NEDD4L: variants seen among roughly 807,000 people sequenced by gnomAD.
NEDD4L encodes NEDD4 like E3 ubiquitin protein ligase, also known as E3 ubiquitin-protein ligase NEDD4-like.
In NEDD4L, 54 loss-of-function variants were observed where a neutral mutation model predicts 148.9. The observed-to-expected ratio is 0.36, with a 90% CI of 0.29 to 0.45. The LOEUF is 0.45. Ranked by LOEUF, NEDD4L falls within the 20% of genes least tolerant of loss-of-function variation. The pLI is 1.00. For missense variants in NEDD4L, 856 were observed against 1,233.8 expected (o/e 0.69, Z 4.59); for synonymous variants, 433 against 440.7 (o/e 0.98, Z 0.22).
intron 1 of NEDD4L, among the ~76,000 whole-genome samples, chr18:58,086,431 G>A (rs1328360347): frequency 6.6e-6 from 1 of 152,086 alleles, no homozygotes; most frequent in Non-Finnish European, 1.5e-5. Context: ...TGAGGAGCAG[G>A]GTGAGAGGGA....
chr18:58,376,736 C>T (rs573991681), intron 24 of NEDD4L, among the ~76,000 whole-genome samples: 8 of 152,292 alleles, frequency 5.3e-5, no homozygotes, highest in African/African-American at 1.7e-4. Flanking sequence ...CTGCCAGAAA[C>T]CTTCAGGGGT....
At chr18:58,201,882 T>C (rs567259203) in intron 2 of NEDD4L, among the ~76,000 whole-genome samples, 1 of 152,350 alleles carries the variant, frequency 6.6e-6, no homozygotes, top group Admixed American at 6.5e-5. Context: ...GAGAATTCCC[T>C]TGTCTTTTTA....
At chr18:58,293,427 A>G (rs2055062706) in intron 5 of NEDD4L, among the ~76,000 whole-genome samples, 1 of 152,246 alleles carries the variant, frequency 6.6e-6, no homozygotes, top group African/African-American at 2.4e-5. Flanking sequence ...TGGAACAGCA[A>G]GAAGACATCA....
intron 30 of NEDD4L, among the ~76,000 whole-genome samples, chr18:58,395,570 T>C (rs1204326479): frequency 6.6e-6 from 1 of 151,932 alleles, no homozygotes; most frequent in Non-Finnish European, 1.5e-5. Flanking sequence ...TTTGCCTGAC[T>C]TTGATCAGAG....
At chr18:58,396,087 ACTCAAAC>A (rs2050460336) in intron 30 of NEDD4L, 73 bp from the exon 31 acceptor site, 1 of 920,218 alleles carries the variant, frequency 1.1e-6, no homozygotes, top group Non-Finnish European at 1.7e-6. Flanking sequence ...TTATTCTCTT[ACTCAAAC>A]CTCATGCCCT....
intron 1 of NEDD4L, among the ~76,000 whole-genome samples, chr18:58,064,390 A>C (rs1481242137): frequency 6.6e-6 from 1 of 152,146 alleles, no homozygotes; most frequent in Non-Finnish European, 1.5e-5. Flanking sequence ...TTCTCAAATG[A>C]ATACCATTCA....
Position 58,179,504 on chromosome 18 carries a change from A to G in NEDD4L, c.122+13643A>G, listed in dbSNP as rs774967876. On this transcript the variant is annotated intron_variant, in intron 2 of 30. Transcript: ENST00000400345. ...GGGTCTCCAACTCCTGTGGCGTGTTAGGAAGTGGGCCGCACAGCAGGAGGT... is the reference window on the plus strand; with the variant it reads ...GGGTCTCCAACTCCTGTGGCGTGTTGGGAAGTGGGCCGCACAGCAGGAGGT... Among the ~76,000 whole-genome samples, 112 of 152,204 alleles carry G rather than the reference A, an allele frequency of 7.4e-4. 1 individual carries two copies. The highest frequency in any genetic ancestry group is 7.1e-4 in the Non-Finnish European group (48 of 68,012).
intron 3 of NEDD4L, among the ~76,000 whole-genome samples, chr18:58,247,047 C>A (rs1054185093): frequency 2.0e-5 from 3 of 151,954 alleles, no homozygotes; most frequent in Non-Finnish European, 4.4e-5. Flanking sequence ...TCAAAAAAAA[C>A]CCAAAAAACA....
chr18:58,378,133 G>C (rs565135696), intron 24 of NEDD4L, among the ~76,000 whole-genome samples: 88 of 152,276 alleles, frequency 5.8e-4, no homozygotes, highest in African/African-American at 2.0e-3. Context: ...ATATAGGAAG[G>C]TTCTTTAGGA....
intron 1 of NEDD4L, among the ~76,000 whole-genome samples, chr18:58,109,693 C>T (rs908062589): frequency 1.1e-4 from 17 of 151,472 alleles, no homozygotes; most frequent in Non-Finnish European, 5.9e-5. Flanking sequence ...GCCTCAGCCT[C>T]CCAAGTAGCT....
chr18:58,349,456 C>A, intron 16 of NEDD4L, 81 bp from the exon 17 acceptor site: 1 of 1,171,264 alleles, frequency 8.5e-7, no homozygotes, highest in Non-Finnish European at 1.3e-6. Context: ...TTGAAACAAA[C>A]AGCTCAAGAA....
rs554766238 is a variant in NEDD4L at position 58,344,882 on chromosome 18, A to C, written c.1575+1779A>C. ...AGTAGATGGATTAGTGTAAGGAGCC[A>C]CTGTGGCTTGCCAACATAAGCTATG... On this transcript the variant is annotated intron_variant, in intron 16 of 30. Transcript: ENST00000400345. Among the ~76,000 whole-genome samples the C allele has an allele frequency of 1.4e-4, 21 of 152,350 alleles. No individual in the cohort carries two copies. In the East Asian group the frequency reaches 3.1e-3, roughly 22 times the overall value.
At chr18:58,281,723 G>A (rs936073386) in intron 5 of NEDD4L, among the ~76,000 whole-genome samples, 8 of 151,938 alleles carry the variant, frequency 5.3e-5, no homozygotes, top group African/African-American at 1.7e-4. Context: ...GATCAGAACA[G>A]TTTTAAAACT....
chr18:58,234,496 T>C (rs1399352457), intron 2 of NEDD4L, among the ~76,000 whole-genome samples: 2 of 151,508 alleles, frequency 1.3e-5, no homozygotes, highest in African/African-American at 4.9e-5. Flanking sequence ...CATGCCTGGC[T>C]AAGTTTAAAA....
intron 1 of NEDD4L, among the ~76,000 whole-genome samples, chr18:58,141,463 C>T (rs779681202): frequency 6.6e-6 from 1 of 152,000 alleles, no homozygotes; most frequent in South Asian, 2.1e-4. Flanking sequence ...ATGTTGATTC[C>T]TTTGAAAGAC....
intron 5 of NEDD4L, among the ~76,000 whole-genome samples, chr18:58,283,701 GGTAACTTACCTC>G (rs144282826): frequency 0.18 from 27,675 of 152,074 alleles, 2,651 homozygotes; most frequent in East Asian, 0.28. Flanking sequence ...CTTTTGAAAA[GGTAACTTACCTC>G]GTCACTTCAT....
At chr18:58,341,647 T>C (rs898201968) in intron 14 of NEDD4L, 31 bp from the exon 15 acceptor site, 44 of 1,599,994 alleles carry the variant, frequency 2.8e-5, no homozygotes, top group Non-Finnish European at 3.6e-5. Flanking sequence ...GATCCTCCTA[T>C]GAAGCTAACT....
intron 5 of NEDD4L, among the ~76,000 whole-genome samples, chr18:58,297,491 G>A (rs895398309): frequency 2.6e-5 from 4 of 152,188 alleles, no homozygotes; most frequent in Non-Finnish European, 5.9e-5. Context: ...GAAGACGTGT[G>A]TGTAAAATTA....
chr18:58,345,617 C>T (rs2042942799), intron 16 of NEDD4L, among the ~76,000 whole-genome samples: 1 of 152,146 alleles, frequency 6.6e-6, no homozygotes, highest in Non-Finnish European at 1.5e-5. Flanking sequence ...CCCCTCTATA[C>T]ATTGAGAAAT....
Sources: allele counts gnomAD v4.1 joint callset (sites outside exome capture counted in the v4.1 genomes callset), GRCh38; gene constraint gnomAD v4.1.1; transcripts MANE v1.5; gene names NCBI Gene and HGNC (gene_info 2026-07-23, HGNC 2026-07-21).